THSD7B: variants seen among roughly 807,000 people sequenced by gnomAD.
The protein encoded by THSD7B is thrombospondin type-1 domain-containing protein 7B.
A neutral mutation model predicts 213.6 loss-of-function variants in THSD7B; 138 were observed. That is an observed-to-expected ratio of 0.65 (90% confidence interval 0.56 to 0.74). The LOEUF is 0.74. Ranked by LOEUF, THSD7B falls within the 30% of genes least tolerant of loss-of-function variation. The pLI, the probability that THSD7B is intolerant of heterozygous loss-of-function variation, is 0.00. For synonymous variants in THSD7B, 742 were observed against 687.0 expected, an observed-to-expected ratio of 1.08 and a Z score of -1.25; for missense variants, 1,931 against 1,991.5, an observed-to-expected ratio of 0.97 and a Z score of 0.58.
chr2:136,966,113 C>T (rs936889472), intron 2 of THSD7B, among the ~76,000 whole-genome samples: 4 of 152,194 alleles, frequency 2.6e-5, no homozygotes, highest in Non-Finnish European at 5.9e-5. Context: ...TCCTGGCAAC[C>T]TTCTTTCTCA....
At chr2:137,054,335 A>T (rs1248372721) in intron 2 of THSD7B, among the ~76,000 whole-genome samples, 1 of 152,202 alleles carries the variant, frequency 6.6e-6, no homozygotes, top group Non-Finnish European at 1.5e-5. Context: ...TTCTATGTTA[A>T]TCTCTCTCAC....
intron 3 of THSD7B, among the ~76,000 whole-genome samples, chr2:137,076,570 G>A (rs1687628927): frequency 6.6e-6 from 1 of 152,066 alleles, no homozygotes; most frequent in South Asian, 2.1e-4. Context: ...TGTTTCGGCT[G>A]GCGCACAGTG....
chr2:137,033,825 T>C (rs1686721110), intron 2 of THSD7B, among the ~76,000 whole-genome samples: 1 of 151,958 alleles, frequency 6.6e-6, no homozygotes, highest in Non-Finnish European at 1.5e-5. Flanking sequence ...AGTTCTAGGG[T>C]ACATGTGCAT....
intron 14 of THSD7B, among the ~76,000 whole-genome samples, chr2:137,416,824 G>T (rs1686810044): frequency 1.3e-5 from 2 of 152,170 alleles, no homozygotes; most frequent in African/African-American, 4.8e-5. Flanking sequence ...TGTATAGTTT[G>T]GGAATAGAGG....
intron 10 of THSD7B, among the ~76,000 whole-genome samples, chr2:137,242,972 C>G (rs1339876614): frequency 1.3e-5 from 2 of 152,088 alleles, no homozygotes; most frequent in Non-Finnish European, 2.9e-5. Context: ...ATACAATGCT[C>G]ACATCACTGA....
chr2:137,093,124 A>G (rs1687981499), intron 3 of THSD7B, among the ~76,000 whole-genome samples: 1 of 152,236 alleles, frequency 6.6e-6, no homozygotes, highest in Admixed American at 6.5e-5. Flanking sequence ...ATGCCAATTA[A>G]TATTTGAAAT....
chr2:137,660,511 G>A (rs946331747), intron 25 of THSD7B, among the ~76,000 whole-genome samples: 2 of 152,068 alleles, frequency 1.3e-5, no homozygotes, highest in African/African-American at 4.8e-5. Context: ...AAAGACAGTG[G>A]GTCAGCTTGC....
At chr2:137,084,919 AGACAAATGTGTT>A (rs1687809700) in intron 3 of THSD7B, among the ~76,000 whole-genome samples, 1 of 152,218 alleles carries the variant, frequency 6.6e-6, no homozygotes. Flanking sequence ...AAGAAACTAA[AGACAAATGTGTT>A]CAATGGTCCT....
At chr2:137,617,857 C>T (rs1484686974) in intron 18 of THSD7B, among the ~76,000 whole-genome samples, 1 of 152,032 alleles carries the variant, frequency 6.6e-6, no homozygotes, top group East Asian at 1.9e-4. Context: ...AAACAAGCTC[C>T]CTTAGGCCTC....
intron 15 of THSD7B, among the ~76,000 whole-genome samples, chr2:137,517,110 C>T (rs1319749781): frequency 2.6e-5 from 4 of 152,214 alleles, no homozygotes; most frequent in East Asian, 1.9e-4. Context: ...TTGGCAAATA[C>T]GTTTTTCTCT....
chr2:137,034,070 T>C (rs2104855134), intron 2 of THSD7B, among the ~76,000 whole-genome samples: 1 of 152,152 alleles, frequency 6.6e-6, no homozygotes, highest in South Asian at 2.1e-4. Flanking sequence ...GTCCTTGTGA[T>C]AGTTTGCTGA....
chr2:137,515,859 AC>A (rs1558823880), intron 15 of THSD7B, among the ~76,000 whole-genome samples: 1 of 152,132 alleles, frequency 6.6e-6, no homozygotes, highest in African/African-American at 2.4e-5. Context: ...TGGATTACTC[AC>A]TCCAGACCTA....
At chr2:137,656,265 C>A (rs535103536) in intron 22 of THSD7B, among the ~76,000 whole-genome samples, 1 of 151,548 alleles carries the variant, frequency 6.6e-6, no homozygotes, top group Non-Finnish European at 1.5e-5. Context: ...TGTATACACA[C>A]ATATGTATTA....
intron 6 of THSD7B, among the ~76,000 whole-genome samples, chr2:137,167,500 A>G (rs958071245): frequency 1.3e-5 from 2 of 152,020 alleles, no homozygotes; most frequent in East Asian, 3.9e-4. Flanking sequence ...TCATGTGTAC[A>G]CTTCTGATCC....
chr2:137,362,181 G>A lies in THSD7B; in HGVS notation c.2501-43432G>A, dbSNP rs1051591707. On this transcript the variant is annotated intron_variant, in intron 12 of 27. Coordinates refer to ENST00000409968, the MANE Select transcript of THSD7B (RefSeq NM_001316349.2). ...TAAAATCCTTTACAGACAAGCAAAT[G>A]CTGAGAGATTTTGTCACCACCAGGC... is the stretch of plus-strand genomic sequence containing the variant. 4.6e-5 allele frequency among the ~76,000 whole-genome samples: 7 copies of A among 152,266 alleles called. No individual in the cohort carries two copies. In the South Asian group the frequency reaches 8.3e-4, roughly 18 times the overall value.
chr2:137,605,772 G>A (rs907924443), intron 17 of THSD7B, among the ~76,000 whole-genome samples: 1 of 145,054 alleles, frequency 6.9e-6, no homozygotes, highest in Non-Finnish European at 1.5e-5. Flanking sequence ...TGGTTCAAGC[G>A]TTTCTCCTGC....
intron 21 of THSD7B, among the ~76,000 whole-genome samples, chr2:137,651,774 A>C (rs1056689957): frequency 6.6e-6 from 1 of 152,056 alleles, no homozygotes; most frequent in South Asian, 2.1e-4. Flanking sequence ...CATTGTTTTA[A>C]GAAATTTTTA....
intron 2 of THSD7B, among the ~76,000 whole-genome samples, chr2:136,961,219 C>CTT (rs1685212365): frequency 9.8e-6 from 1 of 101,574 alleles, no homozygotes; most frequent in Non-Finnish European, 1.8e-5. Context: ...ATGTATTTTT[C>CTT]TTTTCTTTTT....
At chr2:137,171,114 T>C (rs1190004760) in intron 7 of THSD7B, among the ~76,000 whole-genome samples, 176 bp downstream of exon 7, 1 of 152,176 alleles carries the variant, frequency 6.6e-6, no homozygotes, top group Non-Finnish European at 1.5e-5. Context: ...CGTGACTTAA[T>C]ATGGGTCCAC....
Sources: allele counts gnomAD v4.1 joint callset (sites outside exome capture counted in the v4.1 genomes callset), GRCh38; gene constraint gnomAD v4.1.1; transcripts MANE v1.5; gene names NCBI Gene and HGNC (gene_info 2026-07-23, HGNC 2026-07-21).